TMPRSS15: variants seen among roughly 807,000 people sequenced by gnomAD.
The protein encoded by TMPRSS15 is enteropeptidase.
In TMPRSS15, 128 loss-of-function variants were observed where a neutral mutation model predicts 125.3. The observed-to-expected ratio is 1.02, with a 90% CI of 0.89 to 1.18. The LOEUF (loss-of-function observed/expected upper bound fraction) is 1.18. TMPRSS15 is among the 50% of genes most tolerant of loss of function. The pLI is 0.00. For synonymous variants in TMPRSS15, 446 were observed against 423.2 expected, an observed-to-expected ratio of 1.05 and a Z score of -0.66; for missense variants, 1,283 against 1,212.7, an observed-to-expected ratio of 1.06 and a Z score of -0.86.
chr21:18,306,990 C>T lies in TMPRSS15; in HGVS notation c.2165+5955G>A, dbSNP rs562791100. Among the ~76,000 whole-genome samples, 15 of 152,228 alleles carry T rather than the reference C, an allele frequency of 9.9e-5. No individual in the cohort carries two copies. The East Asian group carries it at 2.1e-3, about 22-fold the overall frequency. On this transcript the variant is annotated intron_variant, in intron 18 of 24. Coordinates refer to ENST00000284885, the MANE Select transcript of TMPRSS15 (RefSeq NM_002772.3). ...AATCTGAGGGGAATTGCATTTTGTA[C>T]CCTATCTGCATAAATAATCTTGAGA...
intron 1 of TMPRSS15, among the ~76,000 whole-genome samples, chr21:18,417,429 T>A (rs968072471): frequency 1.3e-5 from 2 of 152,166 alleles, no homozygotes; most frequent in African/African-American, 4.8e-5. Context: ...ATGGCATGAA[T>A]ATGTCCTAAA....
chr21:18,477,763 TA>T (rs1029902502), intron 1 of TMPRSS15: 22 of 152,238 alleles, frequency 1.4e-4, no homozygotes, highest in African/African-American at 5.3e-4. Flanking sequence ...GATTGAAGAT[TA>T]TATACTATAT....
intron 21 of TMPRSS15, among the ~76,000 whole-genome samples, chr21:18,291,629 CA>C (rs369512228): frequency 1.3e-3 from 200 of 152,126 alleles, no homozygotes; most frequent in African/African-American, 4.8e-3. Flanking sequence ...TTTAAAGAGA[CA>C]GATAAGAGCC....
At chr21:18,403,857 G>C (rs914422414), upstream of TMPRSS15, among the ~76,000 whole-genome samples, 1 of 152,140 alleles carries the variant, frequency 6.6e-6, no homozygotes, top group African/African-American at 2.4e-5. Context: ...AATGAGTAAA[G>C]ATGCCTAGAG....
chr21:18,375,136 G>A (rs755929760), intron 5 of TMPRSS15, among the ~76,000 whole-genome samples: 1 of 152,158 alleles, frequency 6.6e-6, no homozygotes, highest in Non-Finnish European at 1.5e-5. Flanking sequence ...TGGTCCATGA[G>A]GAAACAGAAG....
chr21:18,353,024 C>T lies in TMPRSS15; in HGVS notation c.1050G>A (p.Glu350=), dbSNP rs372092689. The T allele has an allele frequency of 5.3e-5, 86 of 1,610,270 alleles. No individual in the cohort carries two copies. In the East Asian group the frequency reaches 6.9e-4, roughly 13 times the overall value. ...NNYEKINCNF[E]DGFCFWVQDL... is the part of the protein sequence containing the mutation. ...CCTGGACCCAGAAACAAAAGCCATCCTCAAAGTTACAATTAATTTTCTCAT... is the reference window on the plus strand; with the variant it reads ...CCTGGACCCAGAAACAAAAGCCATCTTCAAAGTTACAATTAATTTTCTCAT... The change falls in exon 10 of 25, where the codon GAG becomes GAA. Residue 350 remains glutamate (E), a synonymous_variant. Transcript: ENST00000284885.
intron 23 of TMPRSS15, among the ~76,000 whole-genome samples, chr21:18,275,863 C>T (rs1079663): frequency 6.6e-6 from 1 of 151,878 alleles, no homozygotes. Context: ...GTCATGCATA[C>T]CCAGGTGAAG....
At chr21:18,399,431 T>C (rs746928630) in intron 1 of TMPRSS15, among the ~76,000 whole-genome samples, 3 of 152,152 alleles carry the variant, frequency 2.0e-5, no homozygotes, top group African/African-American at 7.2e-5. Flanking sequence ...ATATTATTTA[T>C]ACTATTTCAT....
chr21:18,371,780 A>G (rs2075794226), intron 6 of TMPRSS15, among the ~76,000 whole-genome samples: 2 of 152,114 alleles, frequency 1.3e-5, no homozygotes, highest in African/African-American at 4.8e-5. Flanking sequence ...TATGATAGTG[A>G]AAAAACATGA....
intron 10 of TMPRSS15, 52 bp from the exon 11 acceptor site, chr21:18,344,112 G>C: frequency 7.0e-7 from 1 of 1,428,590 alleles, no homozygotes; most frequent in Non-Finnish European, 9.9e-7. Flanking sequence ...CATTTTCATT[G>C]TGTGACAAGT....
At chr21:18,454,850 A>C (rs1978410035) in intron 1 of TMPRSS15, among the ~76,000 whole-genome samples, 1 of 152,180 alleles carries the variant, frequency 6.6e-6, no homozygotes, top group Admixed American at 6.5e-5. Context: ...GACACATCCC[A>C]AAATAATATT....
At chr21:18,398,173 T>C (rs1180333256) in intron 2 of TMPRSS15, 26 bp downstream of exon 2, 1 of 1,613,384 alleles carries the variant, frequency 6.2e-7, no homozygotes, top group South Asian at 1.1e-5. Context: ...TGTTATAAAA[T>C]TTGAAACCAG....
intron 1 of TMPRSS15, among the ~76,000 whole-genome samples, chr21:18,483,270 G>A (rs140478000): frequency 6.9e-4 from 105 of 151,906 alleles, no homozygotes; most frequent in African/African-American, 2.1e-3. Flanking sequence ...CAGGGAAAAG[G>A]CATCGGTATC....
rs9981539 is a variant in TMPRSS15 at position 18,459,596 on chromosome 21, T to G, written c.10+26203A>C. Among the ~76,000 whole-genome samples the G allele has an allele frequency of 6.0e-3, 917 of 152,292 alleles. 13 individuals carry two copies. Among genetic ancestry groups the G allele is most frequent in the African/African-American group, 0.021 (890 of 41,556 alleles). On this transcript the variant is annotated intron_variant, in intron 1 of 7. Coordinates refer to the TMPRSS15 transcript ENST00000422787. ...AGTCAATATCTCATGTCCTGGTTAC[T>G]GTTTCTTTAAAGCAAATGCATATGT...
chr21:18,356,012 T>G (rs2075621102), intron 8 of TMPRSS15, among the ~76,000 whole-genome samples: 1 of 151,912 alleles, frequency 6.6e-6, no homozygotes, highest in South Asian at 2.1e-4. Context: ...AGGATGACTT[T>G]TTTCCTATAT....
intron 19 of TMPRSS15, 88 bp downstream of exon 19, chr21:18,297,646 T>G: frequency 1.1e-6 from 1 of 906,704 alleles, no homozygotes; most frequent in South Asian, 1.4e-5. Flanking sequence ...GACCAGTATG[T>G]AATAGCATTC....
chr21:18,270,627 TCCGATTTGAAAAACA>T, intron 24 of TMPRSS15, among the ~76,000 whole-genome samples: 2 of 152,162 alleles, frequency 1.3e-5, no homozygotes, highest in African/African-American at 4.8e-5. Context: ...ACAAACACCA[TCCGATTTGAAAAACA>T]TTTCAACTGA....
intron 6 of TMPRSS15, among the ~76,000 whole-genome samples, chr21:18,369,771 G>C (rs887537215): frequency 6.6e-6 from 1 of 152,086 alleles, no homozygotes; most frequent in East Asian, 1.9e-4. Flanking sequence ...AAATAATGCT[G>C]CTGGAAGTTT....
At chr21:18,415,951 T>C (rs890499952) in intron 1 of TMPRSS15, among the ~76,000 whole-genome samples, 1 of 151,974 alleles carries the variant, frequency 6.6e-6, no homozygotes, top group East Asian at 1.9e-4. Flanking sequence ...ATTGAGTAAA[T>C]ATGCAGGATA....
Sources: gnomAD v4.1 joint callset for allele counts (sites outside exome capture counted in the v4.1 genomes callset) on GRCh38, gnomAD v4.1.1 for gene constraint, MANE v1.5 for transcripts, NCBI Gene and HGNC (gene_info 2026-07-23, HGNC 2026-07-21) for gene names.